Variants in UBE3A observed in about 807,000 individuals in gnomAD.
UBE3A encodes the protein ubiquitin-protein ligase E3A.
In UBE3A, 6 loss-of-function variants were observed where a neutral mutation model predicts 83.4. The observed-to-expected ratio is 0.07, with a 90% CI of 0.04 to 0.14. UBE3A has a LOEUF of 0.14. Ranked by LOEUF, UBE3A falls within the 10% of genes least tolerant of loss-of-function variation. The pLI, the probability that UBE3A is intolerant of heterozygous loss-of-function variation, is 1.00. For missense variants in UBE3A, 456 were observed against 1,036.1 expected, an observed-to-expected ratio of 0.44 and a Z score of 7.69; for synonymous variants, 337 against 355.4, an observed-to-expected ratio of 0.95 and a Z score of 0.58.
chr15:25,398,297 C>T (rs529621659), intron 4 of UBE3A, among the ~76,000 whole-genome samples: 90 of 151,830 alleles, frequency 5.9e-4, no homozygotes, highest in African/African-American at 2.1e-3. Context: ...ACATGCAATA[C>T]CTCACATACT....
intron 5 of UBE3A, among the ~76,000 whole-genome samples, chr15:25,373,055 C>A (rs928214780): frequency 6.6e-6 from 1 of 152,100 alleles, no homozygotes; most frequent in Non-Finnish European, 1.5e-5. Context: ...CTTTTATGGG[C>A]CTTAACTCTT....
Position 25,337,313 on chromosome 15 carries a change from A to G in UBE3A, c.*1824T>C, listed in dbSNP as rs890446330. The G allele has an allele frequency of 6.6e-6, 1 of 152,170 alleles. No homozygotes were observed. The highest frequency in any genetic ancestry group is 1.5e-5 in the Non-Finnish European group (1 of 68,022). 9.4% of individuals were successfully genotyped at this position (152,170 alleles called of 1,614,324 possible). Reference sequence around the variant, plus strand: ...TAATTTCTCCTCACTTTAATTACACATTAAGAAGCACAGTGGATGAGAAGC... The same window carrying G: ...TAATTTCTCCTCACTTTAATTACACGTTAAGAAGCACAGTGGATGAGAAGC... On this transcript the variant is annotated 3_prime_UTR_variant, in exon 13 of 13. Transcript: ENST00000648336.
Position 25,438,880 on chromosome 15 carries a change from AG to A in UBE3A, c.-557del. On this transcript the variant is annotated 5_prime_UTR_variant, in exon 1 of 13. Transcript: ENST00000648336. ...GCGCTGGCGGATGGCTACGCGGCGG[AG>A]GGGTGCGCGAGCGAGCGAAGCCTGG... The A allele has an allele frequency of 6.5e-6, 1 of 152,728 alleles. No individual in the cohort carries two copies. The highest frequency in any genetic ancestry group is 1.5e-5 in the Non-Finnish European group (1 of 68,562). 9.5% of individuals were successfully genotyped at this position (152,728 alleles called of 1,614,324 possible).
At chr15:25,434,173 C>T (rs989508463) in intron 1 of UBE3A, among the ~76,000 whole-genome samples, 1 of 152,142 alleles carries the variant, frequency 6.6e-6, no homozygotes, top group African/African-American at 2.4e-5. Context: ...TCCATAATGG[C>T]ATTTACCTGT....
In UBE3A at chr15:25,337,899, T is replaced by C. The variant is rs1348578429; in HGVS notation, c.*1238A>G. The stretch of plus-strand genomic sequence containing the variant: ...TCAGTAATGTAAACCTACTTGTACT[T>C]TTCCATAGTACATGAAAGTAACGTT... On this transcript the variant is annotated 3_prime_UTR_variant, in exon 13 of 13. Transcript: ENST00000648336. The C allele has an allele frequency of 6.6e-6, 1 of 152,168 alleles. No individual in the cohort carries two copies. The highest frequency in any genetic ancestry group is 1.5e-5 in the Non-Finnish European group (1 of 68,006). The allele number at this position is 152,168 out of a possible 1,614,324, so 9.4% of individuals were successfully genotyped here.
chr15:25,391,351 AAAG>A (rs1268517296), intron 4 of UBE3A, among the ~76,000 whole-genome samples: 2 of 152,256 alleles, frequency 1.3e-5, no homozygotes, highest in African/African-American at 2.4e-5. Flanking sequence ...AGAAGGGGGA[AAAG>A]AAGAGTTGTT....
intron 2 of UBE3A, among the ~76,000 whole-genome samples, chr15:25,411,247 G>C (rs1206951129): frequency 6.6e-6 from 1 of 152,186 alleles, no homozygotes; most frequent in African/African-American, 2.4e-5. Flanking sequence ...GAGCTGTCAT[G>C]GATAAACAAG....
At chr15:25,373,404 C>T (rs865914317) in intron 5 of UBE3A, 1 of 152,266 alleles carries the variant, frequency 6.6e-6, no homozygotes, top group Non-Finnish European at 1.5e-5. Context: ...GTCATGCTTT[C>T]GGAACATCTT....
At chr15:25,377,011 C>A (rs989736240) in intron 4 of UBE3A, among the ~76,000 whole-genome samples, 1 of 152,122 alleles carries the variant, frequency 6.6e-6, no homozygotes, top group African/African-American at 2.4e-5. Flanking sequence ...CATAGCCATT[C>A]CTTTTGGTCC....
In UBE3A at chr15:25,345,654, C is replaced by G. The variant is rs1201590133; in HGVS notation, c.2355-5426G>C. 6 of 151,912 alleles carry G rather than the reference C, an allele frequency of 3.9e-5. No individual in the cohort carries two copies. In the South Asian group the frequency reaches 6.2e-4, roughly 16 times the overall value. 9.4% of individuals were successfully genotyped at this position (151,912 alleles called of 1,614,324 possible). A position where few individuals can be genotyped will look rare whatever the true frequency, so the allele number is the denominator to read the frequency against. On this transcript the variant is annotated intron_variant, in intron 11 of 12. Coordinates refer to ENST00000648336, the MANE Select transcript of UBE3A (RefSeq NM_130839.5). ...ATTAGAGAAAAAGTATGTGCATATACATGAGAATGGTGTCCCTACAGAAAA... is the reference window on the plus strand; with the variant it reads ...ATTAGAGAAAAAGTATGTGCATATAGATGAGAATGGTGTCCCTACAGAAAA...
intron 1 of UBE3A, among the ~76,000 whole-genome samples, chr15:25,420,209 C>T (rs966092590): frequency 5.0e-4 from 76 of 152,132 alleles, no homozygotes; most frequent in Admixed American, 3.3e-4. Flanking sequence ...AATGGATACA[C>T]TAATATCAAA....
Position 25,430,127 on chromosome 15 carries a change from TTA to T in UBE3A, c.-165+8360_-165+8361del, listed in dbSNP as rs1287400442. 5.0e-3 allele frequency among the ~76,000 whole-genome samples: 340 copies of T among 68,096 alleles called. 8 individuals are homozygous for T. Among genetic ancestry groups the T allele is most frequent in the African/African-American group, 0.031 (320 of 10,238 alleles). 44.7% of individuals were successfully genotyped at this position (68,096 alleles called of 152,430 possible). A position where few individuals can be genotyped will look rare whatever the true frequency, so the allele number is the denominator to read the frequency against. ...ATATATATAATACATATATATAAGA[TTA>T]TATATATATTATATATATAATACAT... On this transcript the variant is annotated intron_variant, in intron 1 of 12. Transcript: ENST00000648336.
At chr15:25,350,554 T>TTA (rs904755751) in intron 11 of UBE3A, among the ~76,000 whole-genome samples, 1 of 152,110 alleles carries the variant, frequency 6.6e-6, no homozygotes, top group African/African-American at 2.4e-5. Flanking sequence ...AAAAGACACT[T>TTA]TTAGTTAAAT....
chr15:25,357,977 T>C (rs1566904316), intron 7 of UBE3A, among the ~76,000 whole-genome samples: 1 of 143,788 alleles, frequency 7.0e-6, no homozygotes, highest in African/African-American at 2.6e-5. Flanking sequence ...CTCAGCTTAG[T>C]GCAAGCTCCG....
intron 1 of UBE3A, chr15:25,438,197 A>C (rs1438013321): frequency 6.6e-6 from 1 of 152,372 alleles, no homozygotes; most frequent in Non-Finnish European, 1.5e-5. Context: ...AGGAGGCCCA[A>C]ATCTCGACGC....
Position 25,427,795 on chromosome 15 carries a change from GA to G in UBE3A, c.-165+10693del, listed in dbSNP as rs71127058. Among the ~76,000 whole-genome samples, 61,958 of 77,328 alleles carry G rather than the reference GA, an allele frequency of 0.8. 24,640 individuals are homozygous for G. Among genetic ancestry groups the G allele is most frequent in the East Asian group, 0.95 (2,386 of 2,508 alleles). 50.7% of individuals were successfully genotyped at this position (77,328 alleles called of 152,430 possible). ...GAAGAGAGGGAGACCCTGTCTCCTG[GA>G]AAAAAAAAAAAAAAAAAAAAGGTGG... On this transcript the variant is annotated intron_variant, in intron 1 of 12. Transcript: ENST00000648336.
rs564275591 is a variant in UBE3A at position 25,365,617 on chromosome 15, A to G, written c.1608+4949T>C. Among the ~76,000 whole-genome samples the G allele has an allele frequency of 1.9e-3, 293 of 151,970 alleles. 2 individuals are homozygous for G. The highest frequency in any genetic ancestry group is 6.6e-3 in the African/African-American group (273 of 41,470). ...AAAAAAATTAGCTGGGCATGGTGGC[A>G]GGCGCCTGTAGTCCCAGCTACTCGG... On this transcript the variant is annotated intron_variant, in intron 6 of 12. Coordinates refer to ENST00000648336, the MANE Select transcript of UBE3A (RefSeq NM_130839.5).
Position 25,420,201 on chromosome 15 carries a change from T to C in UBE3A, c.-164-8230A>G, listed in dbSNP as rs150850953. Among the ~76,000 whole-genome samples the C allele has an allele frequency of 5.0e-3, 761 of 152,184 alleles. 6 individuals carry two copies. The highest frequency in any genetic ancestry group is 0.018 in the African/African-American group (730 of 41,556). ...GCAAAAATTAATCATAAGAAAGGAA[T>C]GGATACACTAATATCAAAGTAGACT... On this transcript the variant is annotated intron_variant, in intron 1 of 12. Coordinates refer to ENST00000648336, the MANE Select transcript of UBE3A (RefSeq NM_130839.5).
At chr15:25,382,288 T>C (rs2082305968) in intron 4 of UBE3A, among the ~76,000 whole-genome samples, 1 of 151,680 alleles carries the variant, frequency 6.6e-6, no homozygotes, top group East Asian at 1.9e-4. Flanking sequence ...GCCACTGCAC[T>C]GTGGCCTGGG....
Sources: allele counts gnomAD v4.1 joint callset (sites outside exome capture counted in the v4.1 genomes callset), GRCh38; gene constraint gnomAD v4.1.1; transcripts MANE v1.5; gene names NCBI Gene and HGNC (gene_info 2026-07-23, HGNC 2026-07-21).